Variants in FAM178B observed in about 807,000 individuals in gnomAD.
FAM178B encodes the protein protein FAM178B.
A neutral mutation model predicts 91.7 loss-of-function variants in FAM178B; 82 were observed. The observed-to-expected ratio is 0.89, with a 90% CI of 0.75 to 1.07. The LOEUF is 1.07. FAM178B is among the 50% of genes least tolerant of loss of function. FAM178B has a pLI of 0.00. For missense variants in FAM178B, 769 were observed against 846.7 expected (o/e 0.91, Z 1.14); for synonymous variants, 368 against 359.4 (o/e 1.02, Z -0.27).
chr2:96,906,194 C>A (rs1357263766), intron 12 of FAM178B, among the ~76,000 whole-genome samples: 8 of 145,354 alleles, frequency 5.5e-5, no homozygotes, highest in Non-Finnish European at 1.1e-4. Context: ...AATACTTTTT[C>A]TTTTTCTTTC....
chr2:96,919,857 T>C (rs1318043137), intron 12 of FAM178B, among the ~76,000 whole-genome samples: 2 of 152,128 alleles, frequency 1.3e-5, no homozygotes, highest in African/African-American at 4.8e-5. Flanking sequence ...CAGAAAGAGA[T>C]GGGACTGCCT....
intron 6 of FAM178B, among the ~76,000 whole-genome samples, chr2:96,958,972 G>A (rs1041264497): frequency 6.6e-6 from 1 of 151,662 alleles, no homozygotes; most frequent in Non-Finnish European, 1.5e-5. Flanking sequence ...AGGCCGAGGT[G>A]GGCAGATCAC....
intron 2 of FAM178B, 94 bp from the exon 3 acceptor site, chr2:96,972,416 A>T: frequency 6.8e-7 from 1 of 1,479,798 alleles, no homozygotes; most frequent in Non-Finnish European, 9.1e-7. Flanking sequence ...CAAATGGGTG[A>T]GAGAACAACT....
rs1464030236 is a variant in FAM178B, at chr2:96,892,901, C to CA, written c.1776+1024dup. On this transcript the variant is annotated intron_variant, in intron 14 of 16. Transcript: ENST00000490605. ...GAAATACTTGGCACAAGAGAAGGGGCATGCAGACAGCTCACGCTCTCCTGG... is the reference window on the plus strand; with the variant it reads ...GAAATACTTGGCACAAGAGAAGGGGCAATGCAGACAGCTCACGCTCTCCTGG... Among the ~76,000 whole-genome samples, 6 of 152,200 alleles carry CA rather than the reference C, an allele frequency of 3.9e-5. No individual in the cohort carries two copies. In the South Asian group the frequency reaches 1.2e-3, roughly 31 times the overall value.
intron 12 of FAM178B, among the ~76,000 whole-genome samples, chr2:96,911,130 A>G (rs183568016): frequency 3.5e-4 from 53 of 152,180 alleles, no homozygotes; most frequent in Non-Finnish European, 6.8e-4. Context: ...CTCCAGAAGC[A>G]GACAAAGCAC....
At chr2:96,876,410 G>A (rs778964055) in intron 16 of FAM178B, 102 bp from the exon 17 acceptor site, 47 of 1,443,940 alleles carry the variant, frequency 3.3e-5, no homozygotes, top group Non-Finnish European at 4.3e-5. Flanking sequence ...ACCCATCGCA[G>A]GCTCATGCCA....
At chr2:96,951,144 G>A (rs1051982434) in intron 7 of FAM178B, among the ~76,000 whole-genome samples, 15 of 152,078 alleles carry the variant, frequency 9.9e-5, no homozygotes, top group Admixed American at 3.3e-4. Flanking sequence ...GGCTCCCAGC[G>A]CTCGCCGCTC....
chr2:96,915,991 C>T (rs545848240), intron 12 of FAM178B, among the ~76,000 whole-genome samples: 1 of 152,264 alleles, frequency 6.6e-6, no homozygotes, highest in South Asian at 2.1e-4. Flanking sequence ...TTCCCATTTT[C>T]CTGTGACATC....
At chr2:96,892,165 T>C (rs1559054144) in intron 14 of FAM178B, among the ~76,000 whole-genome samples, 2 of 152,180 alleles carry the variant, frequency 1.3e-5, no homozygotes, top group Non-Finnish European at 2.9e-5. Context: ...CCCAGTCACC[T>C]GCCCCACCTG....
chr2:96,900,197 C>T (rs2080900519), intron 13 of FAM178B, among the ~76,000 whole-genome samples: 1 of 152,182 alleles, frequency 6.6e-6, no homozygotes, highest in African/African-American at 2.4e-5. Context: ...AGAGCCCTCC[C>T]AGGCACCCCA....
At position 96,878,464 on chromosome 2, in the gene FAM178B, C is replaced by A. The variant is rs1311375676; in HGVS notation, c.1806G>T (p.Met602Ile). Residue 602 changes from methionine (M) to isoleucine (I), a missense_variant, in exon 15 of 17, where the codon ATG becomes ATT. Met to Ile is a conservative substitution (Grantham distance 10). Transcript: ENST00000490605. Reference sequence around the variant, plus strand: ...GGCAGCTAACAACTACCCCGGCCAGCATCAGCAAGCTGTGGCACAGGTAGC... The same window carrying A: ...GGCAGCTAACAACTACCCCGGCCAGAATCAGCAAGCTGTGGCACAGGTAGC... ...KACYLCHSLL[M>I]LAGVVVSCQD... 2 of 1,613,986 alleles carry A rather than the reference C, an allele frequency of 1.2e-6. No homozygotes were observed. The highest frequency in any genetic ancestry group is 4.5e-5 in the East Asian group (2 of 44,890).
Position 96,986,343 on chromosome 2 carries a change from G to A in FAM178B, c.-30C>T, listed in dbSNP as rs562257200. On this transcript the variant is annotated 5_prime_UTR_variant, in exon 1 of 17. Transcript: ENST00000490605. The stretch of plus-strand genomic sequence containing the variant: ...CGGGAAGGGCAGGGCTCCGGGGTGA[G>A]GGAGGGTGGCGGGAATTCGCACGGC... 2.7e-5 allele frequency: 41 copies of A among 1,529,198 alleles called. 1 individual carries two copies. In the South Asian group the frequency reaches 4.4e-4, roughly 17 times the overall value. The allele number at this position is 1,529,198 out of a possible 1,614,324, so 94.7% of individuals were successfully genotyped here.
intron 12 of FAM178B, among the ~76,000 whole-genome samples, chr2:96,917,149 T>C (rs1293652413): frequency 6.6e-6 from 1 of 152,222 alleles, no homozygotes; most frequent in Non-Finnish European, 1.5e-5. Flanking sequence ...CAGGTGGCTC[T>C]GGCTCAGGGG....
At chr2:96,975,318 G>A (rs2082275864) in intron 1 of FAM178B, among the ~76,000 whole-genome samples, 1 of 152,044 alleles carries the variant, frequency 6.6e-6, no homozygotes, top group Non-Finnish European at 1.5e-5. Flanking sequence ...GTTAAGATAG[G>A]AGATTTTAAG....
chr2:96,883,453 C>G (rs767844300), intron 14 of FAM178B, among the ~76,000 whole-genome samples: 24 of 152,196 alleles, frequency 1.6e-4, no homozygotes, highest in Non-Finnish European at 2.8e-4. Context: ...CCTTTCTCCC[C>G]CATCAGGTCA....
At chr2:96,926,637 C>T (rs2081443862) in intron 9 of FAM178B, among the ~76,000 whole-genome samples, 1 of 149,348 alleles carries the variant, frequency 6.7e-6, no homozygotes, top group Admixed American at 6.6e-5. Flanking sequence ...TTCCCCTCCC[C>T]AGTCTCATCA....
rs1465512667 is a variant in FAM178B at position 96,960,425 on chromosome 2, C to G, written c.750G>C (p.Lys250Asn). ...LTPEHRMLVE[K>N]YSVSLQTIPP... ...GGATGGTCTGCAGGGACACTGAGTA[C>G]TTTTCCACCAGCATCCTGGCAAGGC... Residue 250 changes from lysine (K) to asparagine (N), a missense_variant, in exon 6 of 17, where the codon AAG becomes AAC. Physicochemically the swap from Lys to Asn is moderately conservative, Grantham distance 94 (BLOSUM62 0). Transcript: ENST00000490605. The G allele has an allele frequency of 6.5e-7, 1 of 1,545,630 alleles. No homozygotes were observed. Among genetic ancestry groups the G allele is most frequent in the Non-Finnish European group, 8.8e-7 (1 of 1,142,842 alleles).
chr2:96,979,918 C>T (rs2082339927), intron 1 of FAM178B, among the ~76,000 whole-genome samples: 1 of 152,166 alleles, frequency 6.6e-6, no homozygotes, highest in Admixed American at 6.5e-5. Context: ...TAGGTATGTC[C>T]ATTATAGTAG....
At chr2:96,950,510 A>G (rs1227052177) in intron 7 of FAM178B, among the ~76,000 whole-genome samples, 1 of 152,176 alleles carries the variant, frequency 6.6e-6, no homozygotes, top group East Asian at 1.9e-4. Flanking sequence ...TCCGCCCCAC[A>G]TGATGGCTCT....
Sources: gnomAD v4.1 joint callset for allele counts (sites outside exome capture counted in the v4.1 genomes callset) on GRCh38, gnomAD v4.1.1 for gene constraint, MANE v1.5 for transcripts, NCBI Gene and HGNC (gene_info 2026-07-23, HGNC 2026-07-21) for gene names.